DSCAML1: variants seen among roughly 807,000 people sequenced by gnomAD.
DSCAML1 encodes DS cell adhesion molecule like 1.
In DSCAML1, 38 loss-of-function variants were observed where a neutral mutation model predicts 200.5. The observed-to-expected ratio is 0.19, with a 90% CI of 0.15 to 0.25. DSCAML1 has a LOEUF of 0.25. DSCAML1 is among the 10% of genes least tolerant of loss of function. DSCAML1 has a pLI of 1.00. For synonymous variants in DSCAML1, 1,215 were observed against 1,165.0 expected, an observed-to-expected ratio of 1.04 and a Z score of -0.87; for missense variants, 2,223 against 2,858.8, an observed-to-expected ratio of 0.78 and a Z score of 5.07.
At chr11:117,760,519 C>T (rs10750111) in intron 3 of DSCAML1, among the ~76,000 whole-genome samples, 94,720 of 152,144 alleles carry the variant, frequency 0.62, 32,583 homozygotes, top group East Asian at 0.82. Context: ...TCTCTTCAAT[C>T]GACACGTCCA....
rs908376042 is a variant in DSCAML1, at chr11:117,659,695, C to T, written c.511+117096G>A. Among the ~76,000 whole-genome samples, 8 of 151,662 alleles carry T rather than the reference C, an allele frequency of 5.3e-5. 1 individual carries two copies. The highest frequency in any genetic ancestry group is 1.3e-4 in the Admixed American group (2 of 15,182). Reference sequence around the variant, plus strand: ...CAGCATCTAAGCTCCCTGACTTGCCCGGCACATGTCTTCTGCCTCACACAT... The same window carrying T: ...CAGCATCTAAGCTCCCTGACTTGCCTGGCACATGTCTTCTGCCTCACACAT... On this transcript the variant is annotated intron_variant, in intron 3 of 32. Coordinates refer to ENST00000651296, the MANE Select transcript of DSCAML1 (RefSeq NM_020693.4).
chr11:117,443,812 C>T (rs2048119454), intron 21 of DSCAML1, 74 bp downstream of exon 21: 8 of 1,512,132 alleles, frequency 5.3e-6, no homozygotes, highest in Non-Finnish European at 7.1e-6. Context: ...GAGACCCTGT[C>T]TGGGGAGAAC....
At chr11:117,649,020 G>GCT (rs1255538986) in intron 3 of DSCAML1, among the ~76,000 whole-genome samples, 1 of 135,680 alleles carries the variant, frequency 7.4e-6, no homozygotes, top group South Asian at 2.4e-4. Flanking sequence ...TCTCCCTCTC[G>GCT]CTCTCTCTCT....
intron 15 of DSCAML1, among the ~76,000 whole-genome samples, chr11:117,470,372 G>A (rs546432089): frequency 5.3e-5 from 8 of 151,838 alleles, no homozygotes; most frequent in African/African-American, 9.7e-5. Context: ...TCAGGAGATC[G>A]AGACCATCCT....
chr11:117,528,699 C>G (rs1018455508), intron 4 of DSCAML1, among the ~76,000 whole-genome samples: 3 of 152,200 alleles, frequency 2.0e-5, no homozygotes, highest in African/African-American at 7.2e-5. Flanking sequence ...AGTCCCTCAG[C>G]CTCTCTGACC....
chr11:117,577,525 CCTTCCTTCCTTT>C (rs2050966051), intron 3 of DSCAML1, among the ~76,000 whole-genome samples: 1 of 50,996 alleles, frequency 2.0e-5, no homozygotes, highest in Non-Finnish European at 3.8e-5. Context: ...TTCCTTCCTT[CCTTCCTTCCTTT>C]CCTTCCTTCC....
intron 3 of DSCAML1, among the ~76,000 whole-genome samples, chr11:117,609,841 G>C (rs79738719): frequency 0.015 from 2,325 of 152,144 alleles, 54 homozygotes; most frequent in African/African-American, 0.052. Context: ...TGATAGTATA[G>C]AGTGGTGAAT....
chr11:117,785,121 C>T (rs1307383640), intron 1 of DSCAML1, among the ~76,000 whole-genome samples: 18 of 152,272 alleles, frequency 1.2e-4, no homozygotes, highest in Admixed American at 4.6e-4. Flanking sequence ...GCACCAGCCA[C>T]GCGCTGCACC....
intron 3 of DSCAML1, among the ~76,000 whole-genome samples, chr11:117,560,231 C>A (rs1472811397): frequency 6.6e-6 from 1 of 152,078 alleles, no homozygotes; most frequent in Non-Finnish European, 1.5e-5. Flanking sequence ...TTGTTGAGTG[C>A]CTACTTTGTC....
At chr11:117,735,157 A>G (rs1161413115) in intron 3 of DSCAML1, among the ~76,000 whole-genome samples, 2 of 152,152 alleles carry the variant, frequency 1.3e-5, no homozygotes, top group Non-Finnish European at 2.9e-5. Context: ...CCCTTCCCAA[A>G]AGCTCACAGC....
chr11:117,779,244 A>G (rs930699443), intron 2 of DSCAML1, among the ~76,000 whole-genome samples: 18 of 152,000 alleles, frequency 1.2e-4, no homozygotes, highest in Admixed American at 7.9e-4. Context: ...CATTCCCAAA[A>G]CGTCAGTGCT....
At chr11:117,671,676 C>T (rs1418794865) in intron 3 of DSCAML1, among the ~76,000 whole-genome samples, 1 of 152,104 alleles carries the variant, frequency 6.6e-6, no homozygotes, top group African/African-American at 2.4e-5. Context: ...TCTATCACAC[C>T]TACAGTCAGT....
At chr11:117,785,317 C>A (rs566328492) in intron 1 of DSCAML1, among the ~76,000 whole-genome samples, 1 of 152,276 alleles carries the variant, frequency 6.6e-6, no homozygotes, top group East Asian at 1.9e-4. Context: ...AGTTATTCAG[C>A]AGCCAGAGAA....
intron 3 of DSCAML1, among the ~76,000 whole-genome samples, chr11:117,688,901 A>G (rs1467032013): frequency 6.6e-6 from 1 of 152,184 alleles, no homozygotes; most frequent in Non-Finnish European, 1.5e-5. Context: ...GGCAACCTCC[A>G]TACTCTCCAT....
chr11:117,697,638 G>A (rs1157670585), intron 3 of DSCAML1, among the ~76,000 whole-genome samples: 1 of 151,930 alleles, frequency 6.6e-6, no homozygotes, highest in Non-Finnish European at 1.5e-5. Context: ...TCTATTTTCT[G>A]TCTCTAGGAA....
chr11:117,439,389 G>T lies in DSCAML1; in HGVS notation c.4021C>A (p.Leu1341Ile), dbSNP rs1290441755. 1 of 1,613,746 alleles carries T rather than the reference G, an allele frequency of 6.2e-7. No homozygotes were observed. The highest frequency in any genetic ancestry group is 8.5e-7 in the Non-Finnish European group (1 of 1,179,966). Residue 1341 changes from leucine (L) to isoleucine (I), a missense_variant, in exon 23 of 33, where the codon CTC (leucine) becomes ATC (isoleucine). Around this residue, in one of 7 missense-constraint regions of DSCAML1, gnomAD observed 614 missense variants for 739.1 expected, o/e 0.83. Coordinates refer to ENST00000651296, the MANE Select transcript of DSCAML1 (RefSeq NM_020693.4). ...AIPVSMDGHR[L>I]IHTNGTLLLR... ...AGCAGTGTGCCATTGGTGTGGATGA[G>T]CCGGTGCCCATCCATGGACACTGGA...
chr11:117,746,304 A>C (rs1163322177), intron 3 of DSCAML1, among the ~76,000 whole-genome samples: 1 of 150,796 alleles, frequency 6.6e-6, no homozygotes, highest in East Asian at 1.9e-4. Flanking sequence ...AGCATTTTGC[A>C]AATGTGTTAG....
In DSCAML1 at chr11:117,518,854, A is replaced by C. The variant is rs2049831924; in HGVS notation, c.1214-92T>G. 1 of 1,394,046 alleles carries C rather than the reference A, an allele frequency of 7.2e-7. No homozygotes were observed. The highest frequency in any genetic ancestry group is 9.5e-7 in the Non-Finnish European group (1 of 1,050,744). The allele number at this position is 1,394,046 out of a possible 1,614,324, so 86.4% of individuals were successfully genotyped here. Reference sequence around the variant, plus strand: ...CACCTCAGCAGGGGAGGAGGCAAAAAGCAGCCATAAGAGCAAACAAGAACT... The same window carrying C: ...CACCTCAGCAGGGGAGGAGGCAAAACGCAGCCATAAGAGCAAACAAGAACT... On this transcript the variant is annotated intron_variant, in intron 6 of 32. Transcript: ENST00000651296. The surrounding 1 kb of genome is among the most constrained non-coding windows in gnomAD (Gnocchi z 6.3).
Position 117,780,282 on chromosome 11 carries a change from A to AAG in DSCAML1, c.364+209_364+210dup, listed in dbSNP as rs1413865538. 3.1e-5 allele frequency among the ~76,000 whole-genome samples: 3 copies of AAG among 97,032 alleles called. No homozygotes were observed. In the East Asian group the frequency reaches 8.2e-4, roughly 26 times the overall value. The allele number at this position is 97,032 out of a possible 152,430, so 63.7% of individuals were successfully genotyped here. A position where few individuals can be genotyped will look rare whatever the true frequency, so the allele number is the denominator to read the frequency against. On this transcript the variant is annotated intron_variant, in intron 2 of 32. Transcript: ENST00000651296. The surrounding 1 kb of genome is among the most constrained non-coding windows in gnomAD (Gnocchi z 4.8). ...AAAGAAAGAAAGAAAGAAAGAAAGA[A>AAG]AGAAAGAAAGAAAGAAAGAAAGAGA...
Sources: allele counts gnomAD v4.1 joint callset (sites outside exome capture counted in the v4.1 genomes callset), GRCh38; gene constraint gnomAD v4.1.1; regional missense constraint gnomAD v4.1.1; non-coding constraint Gnocchi (gnomAD v3.1); transcripts MANE v1.5; gene names NCBI Gene and HGNC (gene_info 2026-07-23, HGNC 2026-07-21).